Variants in CFAP161 observed in about 807,000 individuals in gnomAD.
The protein encoded by CFAP161 is cilia and flagella associated protein 161.
CFAP161 carries 25 observed loss-of-function variants against 29.0 expected under a neutral mutation model. That is an observed-to-expected ratio of 0.86 (90% CI 0.63 to 1.20). The LOEUF is 1.20. Among genes scored for constraint, CFAP161 ranks in the 50% most tolerant of loss-of-function variants. The probability of loss-of-function intolerance (pLI) is 0.00; values close to 1 mark genes in which losing one functional copy is unlikely to be tolerated. For synonymous variants in CFAP161, 116 were observed against 137.4 expected, an observed-to-expected ratio of 0.84 and a Z score of 1.09; for missense variants, 367 against 371.9, an observed-to-expected ratio of 0.99 and a Z score of 0.11.
chr15:81,142,991 T>G (rs1253206397), intron 4 of CFAP161, among the ~76,000 whole-genome samples: 1 of 152,180 alleles, frequency 6.6e-6, no homozygotes, highest in African/African-American at 2.4e-5. Flanking sequence ...GTGATGAGTT[T>G]AATGCAACAT....
intron 4 of CFAP161, 42 bp downstream of exon 4, chr15:81,138,177 C>T (rs776978376): frequency 2.7e-6 from 4 of 1,493,358 alleles, no homozygotes; most frequent in South Asian, 1.1e-5. Context: ...TCAGTCATTT[C>T]TGTTGCCCAA....
chr15:81,117,225 T>C (rs1413001757), intron 1 of CFAP161, among the ~76,000 whole-genome samples: 3 of 151,948 alleles, frequency 2.0e-5, no homozygotes, highest in Non-Finnish European at 4.4e-5. Context: ...ATTATACATA[T>C]ATATATAATA....
chr15:81,149,130 C>A lies in CFAP161; in HGVS notation c.*597C>A, dbSNP rs1895065219. On this transcript the variant is annotated 3_prime_UTR_variant, in exon 7 of 7. Coordinates refer to ENST00000286732, the MANE Select transcript of CFAP161 (RefSeq NM_173528.4). Reference sequence around the variant, plus strand: ...GAAACTGGCACATTAGTTGTGGCACCCATGTGATTAGATAGTTCCTGACAA... The same window carrying A: ...GAAACTGGCACATTAGTTGTGGCACACATGTGATTAGATAGTTCCTGACAA... 6.6e-6 allele frequency: 1 copy of A among 152,192 alleles called. No homozygotes were observed. Among genetic ancestry groups the A allele is most frequent in the Non-Finnish European group, 1.5e-5 (1 of 68,076 alleles). 9.4% of individuals were successfully genotyped at this position (152,192 alleles called of 1,614,324 possible).
intron 5 of CFAP161, among the ~76,000 whole-genome samples, chr15:81,146,019 A>C (rs577273200): frequency 6.6e-6 from 1 of 152,342 alleles, no homozygotes; most frequent in African/African-American, 2.4e-5. Context: ...TCAGTCGCTC[A>C]TATTAGCTGG....
At position 81,141,308 on chromosome 15, in the gene CFAP161, G is replaced by C. The variant is rs554969626; in HGVS notation, c.478-2354G>C. On this transcript the variant is annotated intron_variant, in intron 4 of 6. Coordinates refer to ENST00000286732, the MANE Select transcript of CFAP161 (RefSeq NM_173528.4). ...TTGTATTTTCAGATGCTATTGTAGA[G>C]AGGTCCTTTTGATAGAATAAGGATA... 2.6e-5 allele frequency among the ~76,000 whole-genome samples: 4 copies of C among 152,264 alleles called. No individual in the cohort carries two copies. The East Asian group carries it at 7.7e-4, about 29-fold the overall frequency.
At chr15:81,136,822 T>C in intron 3 of CFAP161, 74 bp downstream of exon 3, 1 of 1,261,542 alleles carries the variant, frequency 7.9e-7, no homozygotes, top group Non-Finnish European at 1.1e-6. Context: ...TTCCTGGGTA[T>C]TGGAGCCACT....
At position 81,147,292 on chromosome 15, in the gene CFAP161, C is replaced by A. The variant is rs1047788040; in HGVS notation, c.637-566C>A. Among the ~76,000 whole-genome samples the A allele has an allele frequency of 9.3e-4, 141 of 152,066 alleles. 2 individuals are homozygous for A. Among genetic ancestry groups the A allele is most frequent in the Non-Finnish European group, 1.3e-4 (9 of 68,004 alleles). The stretch of plus-strand genomic sequence containing the variant: ...GTTCTTTCTTTCTTCCTCTCCCCCC[C>A]AGTACCCGCTCTTTTCACTTTAAAT... On this transcript the variant is annotated intron_variant, in intron 5 of 6. Transcript: ENST00000286732.
chr15:81,138,589 T>A (rs1021907832), intron 4 of CFAP161, among the ~76,000 whole-genome samples: 11 of 152,156 alleles, frequency 7.2e-5, no homozygotes, highest in African/African-American at 2.4e-4. Context: ...TTTGCATAAA[T>A]CAGGGAGCCT....
chr15:81,145,053 A>G (rs985197661), intron 5 of CFAP161, among the ~76,000 whole-genome samples: 2 of 152,152 alleles, frequency 1.3e-5, no homozygotes, highest in African/African-American at 4.8e-5. Context: ...TCCAGCAGAC[A>G]TGTGGATGTG....
At chr15:81,115,314 C>T (rs1296179975) in intron 1 of CFAP161, among the ~76,000 whole-genome samples, 1 of 152,150 alleles carries the variant, frequency 6.6e-6, no homozygotes, top group Non-Finnish European at 1.5e-5. Flanking sequence ...GAACAATCAA[C>T]CTGTAGTTAG....
intron 1 of CFAP161, among the ~76,000 whole-genome samples, chr15:81,116,460 A>AT (rs1187692033): frequency 4.0e-5 from 6 of 151,778 alleles, no homozygotes; most frequent in East Asian, 3.9e-4. Flanking sequence ...CGCCCAGCTA[A>AT]TTTTTTTTGT....
chr15:81,113,045 TAA>T (rs769127344), intron 1 of CFAP161, among the ~76,000 whole-genome samples: 3 of 152,216 alleles, frequency 2.0e-5, no homozygotes, highest in Non-Finnish European at 4.4e-5. Flanking sequence ...TATTTTATGA[TAA>T]AAAGAGTAAA....
At chr15:81,109,935 C>A (rs749390590) in intron 1 of CFAP161, among the ~76,000 whole-genome samples, 7 of 152,116 alleles carry the variant, frequency 4.6e-5, no homozygotes, top group African/African-American at 7.2e-5. Context: ...TTACCATAAA[C>A]TTTCATAAAG....
chr15:81,110,228 A>G (rs1026473374), intron 1 of CFAP161, among the ~76,000 whole-genome samples: 2 of 152,170 alleles, frequency 1.3e-5, no homozygotes, highest in Non-Finnish European at 2.9e-5. Context: ...ATGTAATTGA[A>G]TTCTGTCTTG....
At chr15:81,105,154 T>TTC (rs1894351262) in intron 1 of CFAP161, among the ~76,000 whole-genome samples, 1 of 21,306 alleles carries the variant, frequency 4.7e-5, no homozygotes, top group Non-Finnish European at 1.1e-4. Flanking sequence ...CCTCCCTCCC[T>TTC]CCCTCCCTTC....
intron 6 of CFAP161, 58 bp downstream of exon 6, chr15:81,147,989 A>G (rs1895038915): frequency 7.4e-7 from 1 of 1,360,294 alleles, no homozygotes; most frequent in Non-Finnish European, 1.0e-6. Flanking sequence ...CCATGAATAT[A>G]AGCAAAGAAG....
chr15:81,101,137 T>C (rs1458914433), intron 1 of CFAP161, among the ~76,000 whole-genome samples: 3 of 152,204 alleles, frequency 2.0e-5, no homozygotes, highest in Admixed American at 2.0e-4. Flanking sequence ...AATGGAAATA[T>C]TTAACAACCT....
At position 81,143,792 on chromosome 15, in the gene CFAP161, G is replaced by GC; in HGVS notation, c.610dup (p.Leu204ProfsTer4). On this transcript the variant is annotated frameshift_variant, in exon 5 of 7. Transcript: ENST00000286732. LOFTEE classifies it high-confidence loss of function. Reference sequence around the variant, plus strand: ...GCTGCCTTCCCTGACCCCCAGTTACGCCTGGAATATGAAGGCTTCCCCGTC... The same window carrying GC: ...GCTGCCTTCCCTGACCCCCAGTTACGCCCTGGAATATGAAGGCTTCCCCGTC... The GC allele has an allele frequency of 1.9e-6, 3 of 1,614,058 alleles. No individual in the cohort carries two copies. Among genetic ancestry groups the GC allele is most frequent in the Non-Finnish European group, 2.5e-6 (3 of 1,179,990 alleles).
chr15:81,105,165 C>CGTCCCTCCCTTCCTCCCTCCCTTCCTTTT, intron 1 of CFAP161, among the ~76,000 whole-genome samples: 1 of 53,920 alleles, frequency 1.9e-5, no homozygotes, highest in Non-Finnish European at 3.5e-5. Flanking sequence ...CCCTCCCTTC[C>CGTCCCTCCCTTCCTCCCTCCCTTCCTTTT]TTCCTCCCTC....
Sources: gnomAD v4.1 joint callset for allele counts (sites outside exome capture counted in the v4.1 genomes callset) on GRCh38, gnomAD v4.1.1 for gene constraint, MANE v1.5 for transcripts, NCBI Gene and HGNC (gene_info 2026-07-23, HGNC 2026-07-21) for gene names.